Variants in SEPTIN2 observed in about 807,000 individuals in gnomAD.
SEPTIN2 encodes the protein septin 2.
A neutral mutation model predicts 46.5 loss-of-function variants in SEPTIN2; 34 were observed. The ratio of observed to expected loss-of-function variants is 0.73; its 90% CI spans 0.56 to 0.97. The LOEUF (loss-of-function observed/expected upper bound fraction) is 0.97. Among genes scored for constraint, SEPTIN2 ranks in the 50% least tolerant of loss-of-function variants. The pLI is 0.00. For synonymous variants in SEPTIN2, 175 were observed against 153.4 expected, an observed-to-expected ratio of 1.14 and a Z score of -1.04; for missense variants, 347 against 448.4, an observed-to-expected ratio of 0.77 and a Z score of 2.04.
At chr2:241,338,842 A>ATATTATTT (rs1559643585) in intron 7 of SEPTIN2, among the ~76,000 whole-genome samples, 28 of 15,604 alleles carry the variant, frequency 1.8e-3, no homozygotes, top group South Asian at 2.7e-3. Context: ...ATATATAATA[A>ATATTATTT]ATATATAATA....
intron 12 of SEPTIN2, among the ~76,000 whole-genome samples, chr2:241,350,751 G>C (rs2060715816): frequency 6.6e-6 from 1 of 152,038 alleles, no homozygotes. Context: ...TGTCTGGCAT[G>C]GTGTATGCTG....
At chr2:241,318,434 A>G (rs2076689869) in intron 1 of SEPTIN2, 1 of 152,208 alleles carries the variant, frequency 6.6e-6, no homozygotes, top group Non-Finnish European at 1.5e-5. Context: ...TTTAAGAAAA[A>G]AGCCACACCG....
intron 3 of SEPTIN2, among the ~76,000 whole-genome samples, chr2:241,326,604 A>C (rs2078013704): frequency 8.1e-6 from 1 of 122,996 alleles, no homozygotes; most frequent in South Asian, 2.8e-4. Flanking sequence ...CATTGTGGAG[A>C]TGAAAGTGTT....
At chr2:241,349,431 G>A (rs562531560) in intron 11 of SEPTIN2, among the ~76,000 whole-genome samples, 1 of 151,154 alleles carries the variant, frequency 6.6e-6, no homozygotes, top group East Asian at 1.9e-4. Context: ...TTATTGTGAG[G>A]CCTTCATTGC....
At chr2:241,324,513 G>A (rs2077632043) in intron 2 of SEPTIN2, 1 of 470,252 alleles carries the variant, frequency 2.1e-6, no homozygotes, top group Non-Finnish European at 4.0e-6. Flanking sequence ...TCAGCCTCCG[G>A]AGTAGCTGGG....
intron 7 of SEPTIN2, among the ~76,000 whole-genome samples, chr2:241,338,861 A>T (rs1262843625): frequency 6.3e-5 from 6 of 95,958 alleles, no homozygotes; most frequent in Non-Finnish European, 1.1e-4. Flanking sequence ...TATATATAAA[A>T]ATATATATAT....
At chr2:241,321,241 A>T (rs1165005205) in intron 1 of SEPTIN2, among the ~76,000 whole-genome samples, 1 of 151,992 alleles carries the variant, frequency 6.6e-6, no homozygotes, top group African/African-American at 2.4e-5. Context: ...GTTCTCAGAG[A>T]ACTCTATTAA....
intron 1 of SEPTIN2, among the ~76,000 whole-genome samples, chr2:241,323,414 A>G (rs1386752513): frequency 6.6e-6 from 1 of 151,426 alleles, no homozygotes; most frequent in Non-Finnish European, 1.5e-5. Flanking sequence ...AAGCGCCACC[A>G]TGCCTGGCTG....
intron 2 of SEPTIN2, chr2:241,324,801 T>A (rs1188767852): frequency 6.5e-6 from 1 of 152,710 alleles, no homozygotes; most frequent in Non-Finnish European, 1.5e-5. Flanking sequence ...GCAGACCAGA[T>A]AATTTAGAAT....
intron 3 of SEPTIN2, among the ~76,000 whole-genome samples, chr2:241,330,400 T>G (rs1472968550): frequency 2.6e-5 from 4 of 152,228 alleles, no homozygotes; most frequent in Non-Finnish European, 4.4e-5. Context: ...TGAGGTTGGT[T>G]TGTGCAAGTG....
intron 7 of SEPTIN2, among the ~76,000 whole-genome samples, chr2:241,339,047 A>G (rs1223264011): frequency 1.5e-5 from 2 of 131,118 alleles, no homozygotes; most frequent in African/African-American, 2.9e-5. Context: ...TTATATATAC[A>G]TTTTTATATA....
rs2079787998 is a variant in SEPTIN2, at chr2:241,335,427, C to A, written c.217+215C>A. ...ACACGTATCCATGGATCCATCCTCTCTTGAGTTTGTCTGTAAAATGTAATA... is the reference window on the plus strand; with the variant it reads ...ACACGTATCCATGGATCCATCCTCTATTGAGTTTGTCTGTAAAATGTAATA... On this transcript the variant is annotated intron_variant, in intron 4 of 12. Coordinates refer to ENST00000391971, the MANE Select transcript of SEPTIN2 (RefSeq NM_004404.5). 3.8e-6 allele frequency: 5 copies of A among 1,321,082 alleles called. No homozygotes were observed. The East Asian group carries it at 1.0e-4, about 27-fold the overall frequency. The allele number at this position is 1,321,082 out of a possible 1,614,324, so 81.8% of individuals were successfully genotyped here. A position where few individuals can be genotyped will look rare whatever the true frequency, so the allele number is the denominator to read the frequency against.
At chr2:241,345,763 T>C (rs187986036) in intron 9 of SEPTIN2, among the ~76,000 whole-genome samples, 11 of 152,330 alleles carry the variant, frequency 7.2e-5, no homozygotes, top group South Asian at 2.1e-4. Context: ...TTTTGAGTTA[T>C]AGGAGGCATG....
chr2:241,343,569 G>A (rs961626252), intron 8 of SEPTIN2, among the ~76,000 whole-genome samples, 183 bp from the exon 9 acceptor site: 3 of 151,966 alleles, frequency 2.0e-5, no homozygotes, highest in Non-Finnish European at 2.9e-5. Flanking sequence ...ATTTGTTTTC[G>A]TACAATTTGT....
chr2:241,332,932 A>G (rs940756570), intron 3 of SEPTIN2, among the ~76,000 whole-genome samples: 2 of 152,222 alleles, frequency 1.3e-5, no homozygotes, highest in African/African-American at 2.4e-5. Flanking sequence ...CATAGTGACA[A>G]AGTAGATTGG....
At chr2:241,338,435 T>C (rs1469029629) in intron 7 of SEPTIN2, among the ~76,000 whole-genome samples, 1 of 151,006 alleles carries the variant, frequency 6.6e-6, no homozygotes. Flanking sequence ...TGCATAAAAA[T>C]ACAAATCCCT....
chr2:241,340,979 C>T (rs1366790800), intron 7 of SEPTIN2, among the ~76,000 whole-genome samples: 1 of 152,222 alleles, frequency 6.6e-6, no homozygotes, highest in South Asian at 2.1e-4. Context: ...ATTGCTCTCT[C>T]ATGGGCTTGG....
At chr2:241,329,489 A>G (rs2078619175) in intron 3 of SEPTIN2, among the ~76,000 whole-genome samples, 1 of 152,238 alleles carries the variant, frequency 6.6e-6, no homozygotes, top group Non-Finnish European at 1.5e-5. Context: ...TTATCCTATT[A>G]CAAATGACAA....
In SEPTIN2 at chr2:241,352,513, G is replaced by A. The variant is rs541722999; in HGVS notation, c.*576G>A. 5.2e-5 allele frequency: 8 copies of A among 152,708 alleles called. No homozygotes were observed. Among genetic ancestry groups the A allele is most frequent in the South Asian group, 2.1e-4 (1 of 4,826 alleles). 9.5% of individuals were successfully genotyped at this position (152,708 alleles called of 1,614,324 possible). On this transcript the variant is annotated 3_prime_UTR_variant, in exon 13 of 13. Transcript: ENST00000391971. ...AATTCTATACTGTTGATTCGTCTGCGATTTTATCTGTTAACCAAATAAAAC... is the reference window on the plus strand; with the variant it reads ...AATTCTATACTGTTGATTCGTCTGCAATTTTATCTGTTAACCAAATAAAAC...
Sources: allele counts gnomAD v4.1 joint callset (sites outside exome capture counted in the v4.1 genomes callset), GRCh38; gene constraint gnomAD v4.1.1; transcripts MANE v1.5; gene names NCBI Gene and HGNC (gene_info 2026-07-23, HGNC 2026-07-21).